TESK2: variants seen among roughly 807,000 people sequenced by gnomAD.
TESK2 encodes the protein dual specificity testis-specific protein kinase 2.
A neutral mutation model predicts 57.1 loss-of-function variants in TESK2; 39 were observed. The ratio of observed to expected loss-of-function variants is 0.68; its 90% CI spans 0.53 to 0.89. The LOEUF is 0.89. TESK2 is among the 40% of genes least tolerant of loss of function. The probability of loss-of-function intolerance (pLI) is 0.00; values close to 1 mark genes in which losing one functional copy is unlikely to be tolerated. For synonymous variants in TESK2, 249 were observed against 267.9 expected, an observed-to-expected ratio of 0.93 and a Z score of 0.69; for missense variants, 646 against 732.1, an observed-to-expected ratio of 0.88 and a Z score of 1.36.
intron 1 of TESK2, among the ~76,000 whole-genome samples, chr1:45,475,447 TC>T (rs1415494403): frequency 3.3e-5 from 5 of 152,062 alleles, no homozygotes; most frequent in Non-Finnish European, 5.9e-5. Context: ...CCTCAGGTGA[TC>T]CACCTGCCTC....
At chr1:45,366,997 A>T (rs1284106656) in intron 4 of TESK2, among the ~76,000 whole-genome samples, 1 of 152,048 alleles carries the variant, frequency 6.6e-6, no homozygotes. Context: ...AGCTGGGCAT[A>T]GTGGTGCATG....
At chr1:45,485,748 T>C (rs935529725) in intron 1 of TESK2, among the ~76,000 whole-genome samples, 33 of 147,498 alleles carry the variant, frequency 2.2e-4, no homozygotes, top group Non-Finnish European at 3.0e-5. Flanking sequence ...CTCGAACTCC[T>C]GACCTCAAGT....
intron 2 of TESK2, among the ~76,000 whole-genome samples, chr1:45,451,250 A>T (rs951695083): frequency 6.6e-6 from 1 of 152,136 alleles, no homozygotes; most frequent in African/African-American, 2.4e-5. Flanking sequence ...CCCAAGGCCA[A>T]ATTATTTTGA....
intron 4 of TESK2, among the ~76,000 whole-genome samples, chr1:45,358,109 C>T (rs1462626682): frequency 4.7e-5 from 7 of 150,344 alleles, no homozygotes; most frequent in South Asian, 2.1e-4. Context: ...GTCAGGAGAT[C>T]GAGACCGTCC....
chr1:45,386,253 G>A (rs1475893669), intron 3 of TESK2, among the ~76,000 whole-genome samples: 1 of 150,270 alleles, frequency 6.7e-6, no homozygotes, highest in Non-Finnish European at 1.5e-5. Context: ...ACTGAGGCAG[G>A]AGAATCCCTT....
chr1:45,488,815 C>G (rs981279632), intron 1 of TESK2, among the ~76,000 whole-genome samples: 2 of 152,140 alleles, frequency 1.3e-5, no homozygotes, highest in African/African-American at 4.8e-5. Context: ...TCTTTGCCAT[C>G]CCCACCCTAC....
At position 45,345,406 on chromosome 1, in the gene TESK2, C is replaced by T; in HGVS notation, c.1150G>A (p.Asp384Asn). The change falls in exon 11 of 11, where the codon GAC becomes AAC. Residue 384 changes from aspartate to asparagine, a missense_variant. Physicochemically the swap from Asp to Asn is conservative, Grantham distance 23. Coordinates refer to ENST00000372086, the MANE Select transcript of TESK2 (RefSeq NM_007170.3). ...RKPPRTVSVL[D>N]PYYRPRDGAA... The stretch of plus-strand genomic sequence containing the variant: ...CCATCTCGTGGCCGGTAGTATGGGT[C>T]CAAGACACTCACTGTACGTGGGGGC... 1 of 1,614,002 alleles carries T rather than the reference C, an allele frequency of 6.2e-7. No homozygotes were observed. The highest frequency in any genetic ancestry group is 8.5e-7 in the Non-Finnish European group (1 of 1,180,010).
chr1:45,384,204 C>G lies in TESK2; in HGVS notation c.393+1708G>C, dbSNP rs79661858. On this transcript the variant is annotated intron_variant, in intron 4 of 10. Transcript: ENST00000372086. ...CCTTGAAACTCTTTCCTTTTCATTA[C>G]AGGCCAGCACGTTCTTCTGGTTTTC... Among the ~76,000 whole-genome samples the G allele has an allele frequency of 1.5e-3, 229 of 152,302 alleles. 1 individual carries two copies. Among genetic ancestry groups the G allele is most frequent in the South Asian group, 7.2e-3 (35 of 4,828 alleles).
At chr1:45,379,016 G>A (rs903916281) in intron 4 of TESK2, among the ~76,000 whole-genome samples, 1 of 152,140 alleles carries the variant, frequency 6.6e-6, no homozygotes, top group African/African-American at 2.4e-5. Flanking sequence ...CCAAGGCAGG[G>A]CACCAAGCAA....
chr1:45,389,243 A>G (rs1649039659), intron 3 of TESK2, among the ~76,000 whole-genome samples: 1 of 152,136 alleles, frequency 6.6e-6, no homozygotes, highest in Admixed American at 6.6e-5. Context: ...GGGAGACCTG[A>G]GACCTCGTCA....
rs565469558 is a variant in TESK2 at position 45,396,105 on chromosome 1, A to T, written c.345-10145T>A. On this transcript the variant is annotated intron_variant, in intron 3 of 10. Transcript: ENST00000372086. ...TTCTTCACTGGGTAAATTTATTTTT[A>T]TTTATTTTTATTTATTTTTATTTTG... Among the ~76,000 whole-genome samples the T allele has an allele frequency of 6.3e-4, 95 of 150,766 alleles. No homozygotes were observed. In the East Asian group the frequency reaches 0.014, roughly 22 times the overall value.
In TESK2 at chr1:45,345,486, C is replaced by G; in HGVS notation, c.1070G>C (p.Cys357Ser). 6.2e-7 allele frequency: 1 copy of G among 1,614,120 alleles called. No individual in the cohort carries two copies. The highest frequency in any genetic ancestry group is 1.1e-5 in the South Asian group (1 of 91,082). Residue 357 changes from cysteine (C) to serine (S), a missense_variant, in exon 11 of 11, where the codon TGC (cysteine) becomes TCC (serine). Transcript: ENST00000372086. ...LDDKIPHKSP[C>S]PRRTIWLSRS... ...AGACAGCCAGATGGTACGTCTTGGG[C>G]ATGGTGACTTGTGGGGGATCTTGTC... is the stretch of plus-strand genomic sequence containing the variant.
intron 5 of TESK2, 124 bp downstream of exon 5, chr1:45,355,179 A>G: frequency 8.4e-7 from 1 of 1,192,338 alleles, no homozygotes; most frequent in Non-Finnish European, 1.2e-6. Context: ...AGGCTTTCTA[A>G]GGACTAACTA....
At chr1:45,433,415 C>T (rs551014978) in intron 2 of TESK2, among the ~76,000 whole-genome samples, 6 of 151,876 alleles carry the variant, frequency 4.0e-5, no homozygotes, top group African/African-American at 1.4e-4. Flanking sequence ...TATGTTTGTA[C>T]CTATTAACCA....
intron 7 of TESK2, among the ~76,000 whole-genome samples, chr1:45,347,307 T>G (rs1284721312): frequency 6.6e-6 from 1 of 152,158 alleles, no homozygotes; most frequent in Non-Finnish European, 1.5e-5. Flanking sequence ...GGCTCATGCC[T>G]GTAATCCCAG....
chr1:45,419,195 C>T (rs1252626426), intron 3 of TESK2, among the ~76,000 whole-genome samples: 1 of 152,064 alleles, frequency 6.6e-6, no homozygotes, highest in Non-Finnish European at 1.5e-5. Context: ...CCAGGATGGT[C>T]TCGAACTCTT....
At chr1:45,392,107 A>C (rs1245718706) in intron 3 of TESK2, among the ~76,000 whole-genome samples, 1 of 152,134 alleles carries the variant, frequency 6.6e-6, no homozygotes, top group African/African-American at 2.4e-5. Flanking sequence ...TGACTGATTG[A>C]GACTGTCTCG....
At chr1:45,434,381 A>T (rs919483718) in intron 2 of TESK2, among the ~76,000 whole-genome samples, 4 of 151,718 alleles carry the variant, frequency 2.6e-5, no homozygotes, top group Admixed American at 2.0e-4. Context: ...TCTAGTGTCA[A>T]TCTGGGCTCA....
At position 45,375,505 on chromosome 1, in the gene TESK2, C is replaced by T. The variant is rs1000177360; in HGVS notation, c.393+10407G>A. On this transcript the variant is annotated intron_variant, in intron 4 of 10. Coordinates refer to ENST00000372086, the MANE Select transcript of TESK2 (RefSeq NM_007170.3). ...TCTTTTATGAGGCCTTCCCTGTCTA[C>T]ATGTTGAAAATTGTAAACCACCTAG... is the stretch of plus-strand genomic sequence containing the variant. 2.0e-5 allele frequency among the ~76,000 whole-genome samples: 3 copies of T among 150,008 alleles called. No homozygotes were observed. In the Admixed American group the frequency reaches 2.0e-4, roughly 10 times the overall value.
Sources: allele counts gnomAD v4.1 joint callset (sites outside exome capture counted in the v4.1 genomes callset), GRCh38; gene constraint gnomAD v4.1.1; transcripts MANE v1.5; gene names NCBI Gene and HGNC (gene_info 2026-07-23, HGNC 2026-07-21).